Variants in METTL13 observed in about 807,000 individuals in gnomAD.
The protein encoded by METTL13 is methyltransferase 13, eEF1A N-terminus and K55, also known as eEF1A lysine and N-terminal methyltransferase.
METTL13 carries 52 observed loss-of-function variants against 67.4 expected under a neutral mutation model. That is an observed-to-expected ratio of 0.77 (90% CI 0.62 to 0.97). The LOEUF (loss-of-function observed/expected upper bound fraction) is 0.97. Ranked by LOEUF, METTL13 falls within the 50% of genes least tolerant of loss-of-function variation. The pLI, the probability that METTL13 is intolerant of heterozygous loss-of-function variation, is 0.00. For synonymous variants in METTL13, 354 were observed against 353.6 expected (o/e 1.00, Z -0.01); for missense variants, 825 against 889.6 (o/e 0.93, Z 0.92).
intron 4 of METTL13, among the ~76,000 whole-genome samples, chr1:171,790,230 G>A (rs1285145055): frequency 6.6e-6 from 1 of 152,178 alleles, no homozygotes; most frequent in East Asian, 1.9e-4. Flanking sequence ...TGGTGGCTCC[G>A]ACATTGGGGA....
chr1:171,792,064 C>T lies in METTL13; in HGVS notation c.1522C>T (p.Pro508Ser), dbSNP rs1395384655. 6.2e-7 allele frequency: 1 copy of T among 1,613,300 alleles called. No individual in the cohort carries two copies. The highest frequency in any genetic ancestry group is 8.5e-7 in the Non-Finnish European group (1 of 1,180,048). ...GGTAGGCCTGGGCGGGGGCAGCCTCCCCCTCTTTGTCCACGATCATTTTCC... is the reference window on the plus strand; with the variant it reads ...GGTAGGCCTGGGCGGGGGCAGCCTCTCCCTCTTTGTCCACGATCATTTTCC... ...LVVGLGGGSL[P>S]LFVHDHFPKS... The change falls in exon 6 of 8, where the codon CCC (proline) becomes TCC (serine). Residue 508 changes from proline to serine, a missense_variant. By Grantham distance (74) the Pro-to-Ser change is moderately conservative (BLOSUM62 -1). Coordinates refer to ENST00000361735, the MANE Select transcript of METTL13 (RefSeq NM_015935.5).
At position 171,784,431 on chromosome 1, in the gene METTL13, A is replaced by G. The variant is rs1656940084; in HGVS notation, c.845A>G (p.Tyr282Cys). ...LCDGDTGEPRYTLHVVDSPTV... is the reference protein window; with the variant it reads ...LCDGDTGEPRCTLHVVDSPTV... ...GATGGGGACACGGGGGAGCCACGCT[A>G]CACCCTCCACGTGGTGGACAGCCCC... Residue 282 changes from tyrosine to cysteine, a missense_variant, in exon 2 of 8, where the codon TAC becomes TGC. Physicochemically the swap from Tyr to Cys is radical, Grantham distance 194 (BLOSUM62 -2). Transcript: ENST00000361735. 7 of 1,521,680 alleles carry G rather than the reference A, an allele frequency of 4.6e-6. No homozygotes were observed. Among genetic ancestry groups the G allele is most frequent in the Non-Finnish European group, 6.2e-6 (7 of 1,136,250 alleles). The allele number at this position is 1,521,680 out of a possible 1,614,324, so 94.3% of individuals were successfully genotyped here. A position where few individuals can be genotyped will look rare whatever the true frequency, so the allele number is the denominator to read the frequency against.
intron 5 of METTL13, 81 bp downstream of exon 5, chr1:171,790,697 T>C: frequency 1.5e-6 from 2 of 1,324,164 alleles, no homozygotes; most frequent in East Asian, 2.7e-5. Flanking sequence ...TGCATTGTAG[T>C]TGAAGAACAG....
chr1:171,787,895 C>A lies in METTL13; in HGVS notation c.1274C>A (p.Ser425Tyr). 1 of 1,613,906 alleles carries A rather than the reference C, an allele frequency of 6.2e-7. No individual in the cohort carries two copies. Among genetic ancestry groups the A allele is most frequent in the South Asian group, 1.1e-5 (1 of 91,030 alleles). ...CTCAGCAACAGGAATGTGGTGCAGT[C>A]CGAAGCCAGGTTGCTGAAGGATGTG... The part of the protein sequence containing the change: ...IFLSNRNVVQ[S>Y]EARLLKDVSH... The change falls in exon 4 of 8, where the codon TCC (serine) becomes TAC (tyrosine). Residue 425 changes from serine to tyrosine, a missense_variant. Transcript: ENST00000361735.
intron 2 of METTL13, 65 bp from the exon 3 acceptor site, chr1:171,785,814 G>A (rs2124898494): frequency 6.5e-7 from 1 of 1,543,654 alleles, no homozygotes; most frequent in South Asian, 1.2e-5. Flanking sequence ...CCTGCCGTTT[G>A]GGCCATATTG....
At chr1:171,790,873 G>A in intron 5 of METTL13, 1 of 308,790 alleles carries the variant, frequency 3.2e-6, no homozygotes, top group South Asian at 1.4e-4. Context: ...TAAAATTAAG[G>A]TATATCATGT....
Position 171,785,868 on chromosome 1 carries a change from C to T in METTL13, c.914-11C>T, listed in dbSNP as rs1656990457. On this transcript the variant is annotated splice_polypyrimidine_tract_variant and intron_variant, in intron 2 of 7. Transcript: ENST00000361735. ...TTCCAGGACTCCCTGTAACCAAGTT[C>T]TTTTTTCTAGTCCCTCAGGGCCGGG... 1 of 1,611,566 alleles carries T rather than the reference C, an allele frequency of 6.2e-7. No homozygotes were observed. The highest frequency in any genetic ancestry group is 2.2e-5 in the East Asian group (1 of 44,862).
At chr1:171,789,169 C>T (rs1657119545) in intron 4 of METTL13, among the ~76,000 whole-genome samples, 4 of 152,110 alleles carry the variant, frequency 2.6e-5, no homozygotes, top group Admixed American at 6.5e-5. Context: ...ATGGAAAGAA[C>T]GTTCTCCCTC....
intron 7 of METTL13, 111 bp from the exon 8 acceptor site, chr1:171,796,371 T>C: frequency 2.3e-6 from 3 of 1,313,220 alleles, no homozygotes; most frequent in South Asian, 1.4e-5. Context: ...CCGTGTGTTT[T>C]AGTCCACCAG....
In METTL13 at chr1:171,787,729, C is replaced by T. The variant is rs1394627724; in HGVS notation, c.1114-6C>T. On this transcript the variant is annotated splice_region_variant and splice_polypyrimidine_tract_variant and intron_variant, in intron 3 of 7. Transcript: ENST00000361735. The stretch of plus-strand genomic sequence containing the variant: ...GTTTTGACCACATCTCTGGTTGTAC[C>T]TTCAGGTCCCCTTTCTGTCTGTGGG... 3.7e-6 allele frequency: 6 copies of T among 1,608,722 alleles called. No homozygotes were observed. Among genetic ancestry groups the T allele is most frequent in the East Asian group, 4.5e-5 (2 of 44,764 alleles).
At position 171,796,833 on chromosome 1, in the gene METTL13, C is replaced by T. The variant is rs1333777690; in HGVS notation, c.*77C>T. Reference sequence around the variant, plus strand: ...TGCCAGAGAATGAAGAAATACAACGCACAGTACTTTTGAAGCTTCGTATTT... The same window carrying T: ...TGCCAGAGAATGAAGAAATACAACGTACAGTACTTTTGAAGCTTCGTATTT... On this transcript the variant is annotated 3_prime_UTR_variant, in exon 8 of 8. Transcript: ENST00000361735. 7 of 1,527,322 alleles carry T rather than the reference C, an allele frequency of 4.6e-6. No homozygotes were observed. The East Asian group carries it at 1.6e-4, about 35-fold the overall frequency. 94.6% of individuals were successfully genotyped at this position (1,527,322 alleles called of 1,614,324 possible). A position where few individuals can be genotyped will look rare whatever the true frequency, so the allele number is the denominator to read the frequency against.
chr1:171,790,453 C>T lies in METTL13; in HGVS notation c.1311C>T (p.Ala437=), dbSNP rs1024155590. ...TAGGGCTTCATATCTCTTGTTTAGC[C>T]CAGAAGAAGCGGAAAAAGGACAGGA... The part of the protein sequence containing the change: ...ARLLKDVSHK[A]QKKRKKDRKK... Residue 437 remains alanine (A), a splice_region_variant and synonymous_variant, in exon 5 of 8, where the codon GCC becomes GCT. Coordinates refer to ENST00000361735, the MANE Select transcript of METTL13 (RefSeq NM_015935.5). The T allele has an allele frequency of 1.9e-6, 3 of 1,590,242 alleles. No homozygotes were observed. The East Asian group carries it at 6.8e-5, about 36-fold the overall frequency.
Position 171,781,981 on chromosome 1 carries a change from C to G in METTL13, c.14C>G (p.Pro5Arg). MNLL[P>R]KSSREFGSVD... Reference sequence around the variant, plus strand: ...GGCAGTAGGAACATGAACCTCTTACCTAAAAGTTCCAGGGAGTTTGGCTCC... The same window carrying G: ...GGCAGTAGGAACATGAACCTCTTACGTAAAAGTTCCAGGGAGTTTGGCTCC... The change falls in exon 1 of 8, where the codon CCT (proline) becomes CGT (arginine). Residue 5 changes from proline to arginine, a missense_variant. Coordinates refer to ENST00000361735, the MANE Select transcript of METTL13 (RefSeq NM_015935.5). The G allele has an allele frequency of 6.2e-7, 1 of 1,614,144 alleles. No individual in the cohort carries two copies. The highest frequency in any genetic ancestry group is 8.5e-7 in the Non-Finnish European group (1 of 1,180,032).
chr1:171,796,410 C>T (rs887278354), intron 7 of METTL13, 72 bp from the exon 8 acceptor site: 45 of 1,564,862 alleles, frequency 2.9e-5, no homozygotes, highest in Non-Finnish European at 3.9e-5. Context: ...TGGTATTTTC[C>T]TCAAAGCCGA....
intron 1 of METTL13, among the ~76,000 whole-genome samples, chr1:171,783,276 T>A (rs767684347): frequency 6.6e-6 from 1 of 152,164 alleles, no homozygotes; most frequent in Non-Finnish European, 1.5e-5. Flanking sequence ...TAGCCAAATA[T>A]CATGAGATGG....
chr1:171,792,994 A>G (rs549708698), intron 6 of METTL13, among the ~76,000 whole-genome samples: 1 of 152,346 alleles, frequency 6.6e-6, no homozygotes, highest in South Asian at 2.1e-4. Flanking sequence ...GTAAAATACT[A>G]GGGACAGTAA....
In METTL13 at chr1:171,786,051, C is replaced by G. The variant is rs1190494891; in HGVS notation, c.1086C>G (p.Ala362=). 1 of 1,613,536 alleles carries G rather than the reference C, an allele frequency of 6.2e-7. No individual in the cohort carries two copies. The highest frequency in any genetic ancestry group is 1.1e-5 in the South Asian group (1 of 91,042). The change falls in exon 3 of 8, where the codon GCC becomes GCG. Residue 362 remains alanine, a synonymous_variant. Transcript: ENST00000361735. ...TGTCGGCTAGAGTCATGGAGCTGGCCCCAGCTGGGATGCCCACCCAGCAGC... is the reference window on the plus strand; with the variant it reads ...TGTCGGCTAGAGTCATGGAGCTGGCGCCAGCTGGGATGCCCACCCAGCAGC... ...AELSARVMEL[A]PAGMPTQQQV...
intron 6 of METTL13, among the ~76,000 whole-genome samples, chr1:171,793,316 C>T (rs771757299): frequency 4.6e-5 from 7 of 152,360 alleles, no homozygotes; most frequent in Middle Eastern, 3.4e-3. Flanking sequence ...ATAGCTAATA[C>T]GGTGAAGTAT....
Position 171,792,172 on chromosome 1 carries a change from C to G in METTL13, c.1630C>G (p.Arg544Gly), listed in dbSNP as rs1313162096. ...TQWFGFSQSD[R>G]MKVHIADGLD... ...GTGGTTTGGCTTCTCCCAGAGTGAC[C>G]GAATGAAGGTCCACATTGCAGATGG... Residue 544 changes from arginine (R) to glycine (G), a missense_variant, in exon 6 of 8, where the codon CGA (arginine) becomes GGA (glycine). Transcript: ENST00000361735. 6.2e-7 allele frequency: 1 copy of G among 1,614,172 alleles called. No homozygotes were observed. The highest frequency in any genetic ancestry group is 1.3e-5 in the African/African-American group (1 of 75,054).
Sources: allele counts gnomAD v4.1 joint callset (sites outside exome capture counted in the v4.1 genomes callset), GRCh38; gene constraint gnomAD v4.1.1; transcripts MANE v1.5; gene names NCBI Gene and HGNC (gene_info 2026-07-23, HGNC 2026-07-21).